The following MYRIP variants were observed in gnomAD, a reference collection of about 807,000 sequenced individuals.
MYRIP encodes rab effector MyRIP.
In MYRIP, 49 loss-of-function variants were observed where a neutral mutation model predicts 98.0. The observed-to-expected ratio is 0.50, with a 90% CI of 0.40 to 0.63. The LOEUF (loss-of-function observed/expected upper bound fraction) is 0.63, where lower values mean the gene tolerates loss of function less well. Among genes scored for constraint, MYRIP ranks in the 30% least tolerant of loss-of-function variants. The pLI, the probability that MYRIP is intolerant of heterozygous loss-of-function variation, is 0.00. For missense variants in MYRIP, 1,004 were observed against 1,058.2 expected (o/e 0.95, Z 0.71); for synonymous variants, 404 against 409.5 (o/e 0.99, Z 0.16).
intron 1 of MYRIP, among the ~76,000 whole-genome samples, chr3:39,831,070 T>C (rs1261699285): frequency 6.6e-6 from 1 of 152,196 alleles, no homozygotes; most frequent in Non-Finnish European, 1.5e-5. Context: ...CTTGATGCAC[T>C]TTCTTCACCA....
chr3:39,985,076 G>GT (rs1289626552), intron 2 of MYRIP, among the ~76,000 whole-genome samples: 2 of 142,550 alleles, frequency 1.4e-5, no homozygotes, highest in Non-Finnish European at 3.0e-5. Flanking sequence ...ATGGGGTTTT[G>GT]TTTTTTTCTT....
intron 2 of MYRIP, among the ~76,000 whole-genome samples, chr3:40,011,306 A>G (rs1946755321): frequency 6.6e-6 from 1 of 152,184 alleles, no homozygotes; most frequent in Admixed American, 6.5e-5. Flanking sequence ...TCTGGAAAGC[A>G]ATACCTAGAA....
chr3:40,162,598 TA>T, intron 4 of MYRIP, 131 bp from the exon 5 acceptor site: 1 of 723,816 alleles, frequency 1.4e-6, no homozygotes, highest in Non-Finnish European at 2.4e-6. Context: ...CATGAGTCCC[TA>T]AACCTATTTG....
intron 2 of MYRIP, among the ~76,000 whole-genome samples, chr3:40,005,813 A>T (rs955806192): frequency 6.6e-6 from 1 of 152,214 alleles, no homozygotes; most frequent in Admixed American, 6.5e-5. Context: ...TGGGTCTATA[A>T]TGTGGAAAAT....
At chr3:40,169,433 A>T (rs1950564093) in intron 7 of MYRIP, among the ~76,000 whole-genome samples, 1 of 152,182 alleles carries the variant, frequency 6.6e-6, no homozygotes, top group South Asian at 2.1e-4. Context: ...GACTGTGCAA[A>T]CGAGCTGGAT....
Position 40,151,162 on chromosome 3 carries a change from T to G in MYRIP, c.447T>G (p.Ser149Arg), listed in dbSNP as rs1451984862. ...TGTACAGGAAGCACCGGCTGGAGAGTGGCGCGTGCTTCGACATTCTAGGTA... is the reference window on the plus strand; with the variant it reads ...TGTACAGGAAGCACCGGCTGGAGAGGGGCGCGTGCTTCGACATTCTAGGTA... Reference protein sequence around the residue: ...KNLYRKHRLESGACFDILGGS... With the variant: ...KNLYRKHRLERGACFDILGGS... Residue 149 changes from serine to arginine, a missense_variant, in exon 4 of 17, where the codon AGT becomes AGG. Physicochemically the swap from Ser to Arg is moderately radical, Grantham distance 110. Around this residue, in one of 3 missense-constraint regions of MYRIP, gnomAD observed 880 missense variants for 907.7 expected, o/e 0.97. Transcript: ENST00000302541. The G allele has an allele frequency of 3.7e-6, 6 of 1,607,006 alleles. No homozygotes were observed. Among genetic ancestry groups the G allele is most frequent in the Non-Finnish European group, 5.1e-6 (6 of 1,176,684 alleles).
intron 3 of MYRIP, among the ~76,000 whole-genome samples, chr3:40,052,975 T>A (rs1237680464): frequency 6.6e-6 from 1 of 152,212 alleles, no homozygotes; most frequent in African/African-American, 2.4e-5. Context: ...CAATCAATGA[T>A]ATTAGGAGTA....
intron 1 of MYRIP, among the ~76,000 whole-genome samples, chr3:39,817,771 T>A (rs929540076): frequency 1.3e-5 from 2 of 152,182 alleles, no homozygotes; most frequent in African/African-American, 4.8e-5. Flanking sequence ...TTCTAAGAAC[T>A]AGTGTAAAGT....
chr3:39,841,439 C>T (rs183219848), intron 1 of MYRIP, among the ~76,000 whole-genome samples: 348 of 152,260 alleles, frequency 2.3e-3, no homozygotes, highest in Non-Finnish European at 3.5e-3. Context: ...TACCCACCTT[C>T]TGAAGCCTAC....
intron 11 of MYRIP, among the ~76,000 whole-genome samples, chr3:40,219,767 C>A (rs113124490): frequency 0.04 from 6,153 of 152,080 alleles, 305 homozygotes; most frequent in African/African-American, 0.11. Context: ...CAAGTCTTTG[C>A]TATTGTGAAT....
At chr3:39,918,424 C>T (rs1397640511) in intron 2 of MYRIP, among the ~76,000 whole-genome samples, 1 of 152,130 alleles carries the variant, frequency 6.6e-6, no homozygotes, top group Non-Finnish European at 1.5e-5. Flanking sequence ...TGAGAGTTAC[C>T]CCTAGTCATC....
chr3:40,176,832 C>T (rs1950772190), intron 8 of MYRIP, among the ~76,000 whole-genome samples: 1 of 148,036 alleles, frequency 6.8e-6, no homozygotes, highest in South Asian at 2.1e-4. Context: ...TTGCTTGAAC[C>T]CAGGAGGCAG....
Position 39,919,719 on chromosome 3 carries a change from T to TGAGA in MYRIP, c.110+18794_110+18795insAGAG, listed in dbSNP as rs1219817798. 1.4e-3 allele frequency among the ~76,000 whole-genome samples: 208 copies of TGAGA among 146,942 alleles called. 1 individual carries two copies. Among genetic ancestry groups the TGAGA allele is most frequent in the Non-Finnish European group, 2.6e-3 (174 of 66,964 alleles). ...GTGTGTGTGTGTGTGTGTGTGTGTG[T>TGAGA]GTGTGTGTGAGAGAGAGAGAGAGAG... On this transcript the variant is annotated intron_variant, in intron 2 of 16. Transcript: ENST00000302541.
chr3:39,851,800 G>A (rs1575305300), intron 1 of MYRIP, among the ~76,000 whole-genome samples: 1 of 152,126 alleles, frequency 6.6e-6, no homozygotes, highest in Non-Finnish European at 1.5e-5. Context: ...GAGAGGCAAT[G>A]GTTCAAATAG....
At chr3:40,178,021 G>A (rs2125610041) in intron 8 of MYRIP, among the ~76,000 whole-genome samples, 1 of 152,186 alleles carries the variant, frequency 6.6e-6, no homozygotes, top group South Asian at 2.1e-4. Flanking sequence ...ACTTACATCT[G>A]ACCCTAAAAA....
rs1409041805 is a variant in MYRIP at position 40,073,221 on chromosome 3, G to A, written c.332+28950G>A. Among the ~76,000 whole-genome samples, 4 of 152,292 alleles carry A rather than the reference G, an allele frequency of 2.6e-5. No individual in the cohort carries two copies. In the East Asian group the frequency reaches 7.7e-4, roughly 29 times the overall value. On this transcript the variant is annotated intron_variant, in intron 3 of 16. Coordinates refer to ENST00000302541, the MANE Select transcript of MYRIP (RefSeq NM_015460.4). ...AGAAGTATGAGGGTTCTGTGTTCCT[G>A]TCTTCTTGGAGGAAAGGATTCCACC...
rs545116276 is a variant in MYRIP, at chr3:40,256,656, T to C, written c.2548-1478T>C. On this transcript the variant is annotated intron_variant, in intron 16 of 16. Transcript: ENST00000302541. ...CTGATAAATTTAGAATCAATACTAG[T>C]CAAATCAGAATCAAATCAGAAAAAT... Among the ~76,000 whole-genome samples, 9 of 151,996 alleles carry C rather than the reference T, an allele frequency of 5.9e-5. No homozygotes were observed. The South Asian group carries it at 1.7e-3, about 28-fold the overall frequency.
At position 40,023,257 on chromosome 3, in the gene MYRIP, C is replaced by T. The variant is rs566742270; in HGVS notation, c.111-20793C>T. Among the ~76,000 whole-genome samples, 5 of 152,286 alleles carry T rather than the reference C, an allele frequency of 3.3e-5. No individual in the cohort carries two copies. The East Asian group carries it at 7.7e-4, about 23-fold the overall frequency. On this transcript the variant is annotated intron_variant, in intron 2 of 16. Transcript: ENST00000302541. ...TTAAAAAAATCTGGATTTGACAATA[C>T]GTGACTTCAGCTCTCTGATGTGTCA...
intron 2 of MYRIP, among the ~76,000 whole-genome samples, chr3:39,953,844 G>A (rs748337685): frequency 1.6e-4 from 24 of 152,244 alleles, no homozygotes; most frequent in Non-Finnish European, 2.5e-4. Flanking sequence ...TTTTCCAAAC[G>A]GCATACCAGG....
Sources: gnomAD v4.1 joint callset for allele counts (sites outside exome capture counted in the v4.1 genomes callset) on GRCh38, gnomAD v4.1.1 for gene constraint, gnomAD v4.1.1 regional missense constraint, MANE v1.5 for transcripts, NCBI Gene and HGNC (gene_info 2026-07-23, HGNC 2026-07-21) for gene names.